Variants in SCML2 observed in about 807,000 individuals in gnomAD.
SCML2 encodes the protein Scm polycomb group protein like 2.
SCML2 carries 6 observed loss-of-function variants against 48.4 expected under a neutral mutation model. The ratio of observed to expected loss-of-function variants is 0.12; its 90% CI spans 0.07 to 0.24. SCML2 has a LOEUF of 0.24. Among genes scored for constraint, SCML2 ranks in the 10% least tolerant of loss-of-function variants. The pLI is 1.00. For missense variants in SCML2, 377 were observed against 528.2 expected, an observed-to-expected ratio of 0.71 and a Z score of 2.81; for synonymous variants, 181 against 189.5, an observed-to-expected ratio of 0.95 and a Z score of 0.37.
chrX:18,258,715 T>C (rs1319381575), intron 9 of SCML2, among the ~76,000 whole-genome samples: 1 of 111,221 alleles, frequency 9.0e-6, no homozygotes, highest in Non-Finnish European at 1.9e-5. Context: ...TTATATTTTC[T>C]AAAGTAACCA....
intron 1 of SCML2, among the ~76,000 whole-genome samples, chrX:18,352,475 T>C (rs1814359349): frequency 8.9e-6 from 1 of 112,364 alleles, no homozygotes; most frequent in Admixed American, 9.5e-5. Flanking sequence ...AGAATTTTGT[T>C]TGGAGAATTA....
At chrX:18,319,969 C>T (rs1265990808) in intron 6 of SCML2, among the ~76,000 whole-genome samples, 1 of 111,642 alleles carries the variant, frequency 9.0e-6, no homozygotes, top group Non-Finnish European at 1.9e-5. Flanking sequence ...AATGGGATAC[C>T]ATCCTCATCT....
chrX:18,310,399 G>C (rs750437184), intron 6 of SCML2, among the ~76,000 whole-genome samples: 22 of 105,550 alleles, frequency 2.1e-4, no homozygotes, highest in Non-Finnish European at 3.9e-4. Context: ...CCGAGTAGCT[G>C]GGATTACAGG....
rs927402984 is a variant in SCML2, at chrX:18,247,873, T to A, written c.1466A>T (p.Asp489Val). The change falls in exon 12 of 15, where the codon GAT (aspartate) becomes GTT (valine). Residue 489 changes from aspartate (D) to valine (V), a missense_variant. By Grantham distance (152) the Asp-to-Val change is radical. Around this residue, in one of 3 missense-constraint regions of SCML2, gnomAD observed 299 missense variants for 425.5 expected, o/e 0.70. Transcript: ENST00000251900. Reference sequence around the variant, plus strand: ...TTTGGTGCTTTGCCTTTCTGTTACATCTTCTTTTGCTGTTTTCAAAGAAAA... The same window carrying A: ...TTTGGTGCTTTGCCTTTCTGTTACAACTTCTTTTGCTGTTTTCAAAGAAAA... ...EHDKNQSAKE[D>V]VTERQSTKRS... The A allele has an allele frequency of 7.5e-6, 9 of 1,199,343 alleles. No individual in the cohort carries two copies. The Admixed American group carries it at 8.8e-5, about 12-fold the overall frequency.
At chrX:18,249,923 T>C (rs1416010325) in intron 11 of SCML2, among the ~76,000 whole-genome samples, 1 of 110,703 alleles carries the variant, frequency 9.0e-6, no homozygotes, top group Non-Finnish European at 1.9e-5. Flanking sequence ...ACCCAATCAT[T>C]AGCTAACCAC....
intron 3 of SCML2, among the ~76,000 whole-genome samples, chrX:18,326,028 T>C (rs1310085187): frequency 8.9e-6 from 1 of 112,178 alleles, no homozygotes; most frequent in Non-Finnish European, 1.9e-5. Flanking sequence ...AAAACCTGAC[T>C]GACAGCGTTT....
intron 1 of SCML2, among the ~76,000 whole-genome samples, chrX:18,346,547 A>C (rs1356744294): frequency 4.5e-5 from 5 of 112,253 alleles, no homozygotes; most frequent in African/African-American, 1.6e-4. Context: ...AAAATGTTGG[A>C]ATAAGTGACG....
chrX:18,305,820 T>C (rs1293036756), intron 6 of SCML2, among the ~76,000 whole-genome samples: 1 of 109,796 alleles, frequency 9.1e-6, no homozygotes, highest in Non-Finnish European at 1.9e-5. Flanking sequence ...GAAAGTCATA[T>C]AGTATGGGGT....
Position 18,257,040 on chromosome X carries a change from G to A in SCML2, c.1274-10C>T. The A allele has an allele frequency of 3.6e-6, 4 of 1,105,164 alleles. No homozygotes were observed. The highest frequency in any genetic ancestry group is 3.0e-5 in the Admixed American group (1 of 33,271). 91.1% of individuals were successfully genotyped at this position (1,105,164 alleles called of 1,213,427 possible). ...TCCCCATCAAAGGAGGCTATTGGGG[G>A]AAAAAAAAGGATGTCAGTAACCTCA... On this transcript the variant is annotated splice_polypyrimidine_tract_variant and intron_variant, in intron 10 of 14. Transcript: ENST00000251900.
chrX:18,259,357 CATTA>C (rs1926976196), intron 9 of SCML2, among the ~76,000 whole-genome samples: 1 of 111,174 alleles, frequency 9.0e-6, no homozygotes, highest in Non-Finnish European at 1.9e-5. Flanking sequence ...ATTTTTAATC[CATTA>C]ATTAATATTG....
chrX:18,276,800 A>G (rs948519573), intron 7 of SCML2, among the ~76,000 whole-genome samples: 2 of 111,745 alleles, frequency 1.8e-5, no homozygotes, highest in African/African-American at 6.5e-5. Context: ...GAGACAGAAT[A>G]TAGATTGGTG....
chrX:18,273,620 T>G (rs1202813391), intron 7 of SCML2, among the ~76,000 whole-genome samples: 2 of 111,527 alleles, frequency 1.8e-5, no homozygotes, highest in Non-Finnish European at 3.8e-5. Flanking sequence ...GACCTCATAA[T>G]GATAGAAACA....
chrX:18,350,329 T>TG (rs1347200200), intron 1 of SCML2, among the ~76,000 whole-genome samples: 2 of 107,146 alleles, frequency 1.9e-5, no homozygotes, highest in Non-Finnish European at 3.8e-5. Context: ...TCCCAGCACT[T>TG]GGAGAGGCAG....
At chrX:18,345,458 A>G (rs1311141118) in intron 1 of SCML2, among the ~76,000 whole-genome samples, 2 of 110,184 alleles carry the variant, frequency 1.8e-5, no homozygotes, top group Non-Finnish European at 3.8e-5. Context: ...TGGAGTGATC[A>G]TAGCTCGCTA....
At chrX:18,285,965 A>G (rs949676858) in intron 7 of SCML2, among the ~76,000 whole-genome samples, 3 of 112,001 alleles carry the variant, frequency 2.7e-5, no homozygotes, top group Non-Finnish European at 5.6e-5. Context: ...GTGTACATAG[A>G]ATAGAATACA....
intron 7 of SCML2, among the ~76,000 whole-genome samples, chrX:18,275,656 T>C (rs1370845449): frequency 8.9e-6 from 1 of 112,467 alleles, no homozygotes; most frequent in Non-Finnish European, 1.9e-5. Context: ...CAATAAATGT[T>C]TGCTGATTGT....
chrX:18,324,000 T>C lies in SCML2; in HGVS notation c.256A>G (p.Ile86Val). The change falls in exon 5 of 15, where the codon ATT (isoleucine) becomes GTT (valine). Residue 86 changes from isoleucine (I) to valine (V), a missense_variant. Around this residue, in one of 3 missense-constraint regions of SCML2, gnomAD observed 17 missense variants for 42.8 expected, o/e 0.40. Coordinates refer to ENST00000251900, the MANE Select transcript of SCML2 (RefSeq NM_006089.3). ...CGTAACCTGGCCCCAGTAATTCCAA[T>C]AACCGTAGCAATACATACTGAAGTG... is the stretch of plus-strand genomic sequence containing the variant. Reference protein sequence around the residue: ...NATSVCIATVIGITGARLRLR... With the variant: ...NATSVCIATVVGITGARLRLR... 1.7e-6 allele frequency: 2 copies of C among 1,210,777 alleles called. No homozygotes were observed. The highest frequency in any genetic ancestry group is 2.2e-6 in the Non-Finnish European group (2 of 894,872).
At chrX:18,337,906 A>G (rs903622326) in intron 1 of SCML2, among the ~76,000 whole-genome samples, 1 of 111,994 alleles carries the variant, frequency 8.9e-6, no homozygotes, top group Non-Finnish European at 1.9e-5. Flanking sequence ...AAACCATACA[A>G]TGTTTCAGTT....
At chrX:18,336,064 G>T (rs956378767) in intron 1 of SCML2, among the ~76,000 whole-genome samples, 1 of 111,824 alleles carries the variant, frequency 8.9e-6, no homozygotes, top group Non-Finnish European at 1.9e-5. Context: ...TAGGCAGTCC[G>T]GAAATAGACC....
Sources: gnomAD v4.1 joint callset for allele counts (sites outside exome capture counted in the v4.1 genomes callset) on GRCh38, gnomAD v4.1.1 for gene constraint, gnomAD v4.1.1 regional missense constraint, MANE v1.5 for transcripts, NCBI Gene and HGNC (gene_info 2026-07-23, HGNC 2026-07-21) for gene names.